Variants in ZNF804B observed in about 807,000 individuals in gnomAD.
ZNF804B encodes zinc finger 804B.
A neutral mutation model predicts 101.4 loss-of-function variants in ZNF804B; 80 were observed. The observed-to-expected ratio is 0.79, with a 90% confidence interval of 0.66 to 0.95. The LOEUF (loss-of-function observed/expected upper bound fraction) is 0.95, where lower values mean the gene tolerates loss of function less well. ZNF804B is among the 40% of genes least tolerant of loss of function. The probability of loss-of-function intolerance (pLI) is 0.00; values close to 1 mark genes in which losing one functional copy is unlikely to be tolerated. For missense variants in ZNF804B, 1,673 were observed against 1,561.9 expected (o/e 1.07, Z -1.20); for synonymous variants, 622 against 558.8 (o/e 1.11, Z -1.59).
intron 1 of ZNF804B, among the ~76,000 whole-genome samples, chr7:88,890,009 C>T (rs557414839): frequency 6.6e-6 from 1 of 152,154 alleles, no homozygotes; most frequent in South Asian, 2.1e-4. Context: ...CCAGGTAACC[C>T]AGCATCACTT....
intron 1 of ZNF804B, among the ~76,000 whole-genome samples, chr7:89,003,968 A>T (rs1238495509): frequency 2.0e-5 from 3 of 151,380 alleles, no homozygotes; most frequent in African/African-American, 7.3e-5. Context: ...ACAAACTTTC[A>T]TGCATAATTG....
chr7:89,245,499 T>G (rs1789429173), intron 2 of ZNF804B, among the ~76,000 whole-genome samples: 1 of 152,074 alleles, frequency 6.6e-6, no homozygotes, highest in African/African-American at 2.4e-5. Flanking sequence ...TTGAACACAA[T>G]GAAATTAAAT....
At chr7:88,895,170 G>GTATATAAC (rs1290465446) in intron 1 of ZNF804B, among the ~76,000 whole-genome samples, 1 of 152,158 alleles carries the variant, frequency 6.6e-6, no homozygotes, top group African/African-American at 2.4e-5. Context: ...AAAAGAAACT[G>GTATATAAC]TATATAACTA....
intron 1 of ZNF804B, among the ~76,000 whole-genome samples, chr7:89,003,508 A>G (rs906707971): frequency 1.3e-5 from 2 of 151,986 alleles, no homozygotes; most frequent in Admixed American, 6.6e-5. Flanking sequence ...CAGTTCCTAG[A>G]AACTGAAGAG....
At chr7:89,165,210 T>C (rs1791124175) in intron 1 of ZNF804B, among the ~76,000 whole-genome samples, 1 of 152,086 alleles carries the variant, frequency 6.6e-6, no homozygotes, top group Non-Finnish European at 1.5e-5. Context: ...ATTCTTACAG[T>C]CTGAAATTTT....
intron 1 of ZNF804B, among the ~76,000 whole-genome samples, chr7:88,983,814 A>G (rs192259234): frequency 1.4e-3 from 214 of 152,096 alleles, no homozygotes; most frequent in Non-Finnish European, 2.3e-3. Flanking sequence ...CTTGATCTCC[A>G]TTTGGCTCAG....
intron 1 of ZNF804B, among the ~76,000 whole-genome samples, chr7:88,865,150 C>A (rs971701053): frequency 1.3e-5 from 2 of 151,344 alleles, no homozygotes; most frequent in Non-Finnish European, 2.9e-5. Context: ...ATCACTTGAA[C>A]CCAGGAGGCG....
chr7:89,314,018 C>T (rs1473679532), intron 2 of ZNF804B, among the ~76,000 whole-genome samples: 2 of 152,064 alleles, frequency 1.3e-5, no homozygotes, highest in East Asian at 3.9e-4. Flanking sequence ...CTATTTCCCT[C>T]TAGGAAATAT....
intron 1 of ZNF804B, among the ~76,000 whole-genome samples, chr7:89,055,272 G>A (rs1230324688): frequency 1.3e-5 from 2 of 152,018 alleles, no homozygotes; most frequent in Non-Finnish European, 2.9e-5. Flanking sequence ...CAAGAATGGT[G>A]GAAAGTGAAG....
At chr7:89,301,852 C>T (rs1790479463) in intron 2 of ZNF804B, among the ~76,000 whole-genome samples, 1 of 151,850 alleles carries the variant, frequency 6.6e-6, no homozygotes. Context: ...AGAGTATCTA[C>T]TTTATGATGT....
chr7:88,854,754 CT>C (rs1186964624), intron 1 of ZNF804B, among the ~76,000 whole-genome samples: 1 of 111,058 alleles, frequency 9.0e-6, no homozygotes, highest in Non-Finnish European at 1.8e-5. Flanking sequence ...TCCCTCCCCC[CT>C]CCCCCGACCC....
intron 1 of ZNF804B, among the ~76,000 whole-genome samples, chr7:88,856,090 T>C (rs1310780894): frequency 6.6e-6 from 1 of 152,200 alleles, no homozygotes; most frequent in Non-Finnish European, 1.5e-5. Context: ...CGATGCGGGC[T>C]CTTTTTTCAT....
chr7:89,246,897 G>C (rs1789457193), intron 2 of ZNF804B, among the ~76,000 whole-genome samples: 1 of 151,980 alleles, frequency 6.6e-6, no homozygotes, highest in Non-Finnish European at 1.5e-5. Flanking sequence ...TGTATGCATG[G>C]GTGCCATCTC....
intron 1 of ZNF804B, among the ~76,000 whole-genome samples, chr7:88,876,765 A>T (rs908978506): frequency 6.6e-6 from 1 of 150,976 alleles, no homozygotes; most frequent in African/African-American, 2.5e-5. Flanking sequence ...ACTAGCTCAT[A>T]GGTCACTTTC....
intron 1 of ZNF804B, among the ~76,000 whole-genome samples, chr7:88,951,460 G>A (rs975534694): frequency 5.9e-5 from 9 of 151,666 alleles, no homozygotes; most frequent in African/African-American, 7.3e-5. Flanking sequence ...ACACACATGC[G>A]CGTGCGCACG....
intron 1 of ZNF804B, among the ~76,000 whole-genome samples, chr7:88,934,939 C>T (rs1293465583): frequency 1.3e-5 from 2 of 151,756 alleles, no homozygotes; most frequent in Admixed American, 1.3e-4. Context: ...ATGTTTATAG[C>T]AGCACAATTC....
At chr7:88,787,817 C>A (rs1348106610) in intron 1 of ZNF804B, among the ~76,000 whole-genome samples, 1 of 152,134 alleles carries the variant, frequency 6.6e-6, no homozygotes, top group Non-Finnish European at 1.5e-5. Context: ...TTCTGCTATA[C>A]TGTCTTTATG....
At position 89,219,385 on chromosome 7, in the gene ZNF804B, C is replaced by T. The variant is rs1011489772; in HGVS notation, c.249+1090C>T. On this transcript the variant is annotated intron_variant, in intron 2 of 3. Coordinates refer to ENST00000333190, the MANE Select transcript of ZNF804B (RefSeq NM_181646.5). The stretch of plus-strand genomic sequence containing the variant: ...CAAAGTTGTTATTTAATAAATGAAA[C>T]ATTGAAAACAGGCAAACAAAAAATC... 2.6e-5 allele frequency among the ~76,000 whole-genome samples: 4 copies of T among 151,862 alleles called. No homozygotes were observed. The East Asian group carries it at 7.7e-4, about 29-fold the overall frequency.
intron 1 of ZNF804B, among the ~76,000 whole-genome samples, chr7:89,170,775 A>T (rs1406223733): frequency 6.6e-6 from 1 of 152,204 alleles, no homozygotes; most frequent in Non-Finnish European, 1.5e-5. Context: ...CTCTGCTTCA[A>T]CACTTTCTCC....
Sources: allele counts gnomAD v4.1 joint callset (sites outside exome capture counted in the v4.1 genomes callset), GRCh38; gene constraint gnomAD v4.1.1; transcripts MANE v1.5; gene names NCBI Gene and HGNC (gene_info 2026-07-23, HGNC 2026-07-21).